The following PKP4 variants were observed in gnomAD, a reference collection of about 807,000 sequenced individuals.
PKP4 encodes the protein plakophilin 4, also known as plakophilin-4.
A neutral mutation model predicts 145.1 loss-of-function variants in PKP4; 90 were observed. The ratio of observed to expected loss-of-function variants is 0.62; its 90% confidence interval spans 0.52 to 0.74. The LOEUF (loss-of-function observed/expected upper bound fraction) is 0.74. PKP4 is among the 30% of genes least tolerant of loss of function. The pLI is 0.00. For synonymous variants in PKP4, 563 were observed against 577.2 expected, an observed-to-expected ratio of 0.98 and a Z score of 0.35; for missense variants, 1,340 against 1,482.7, an observed-to-expected ratio of 0.90 and a Z score of 1.58.
At chr2:158,463,412 G>GAAAAAA (rs137946075) in intron 1 of PKP4, among the ~76,000 whole-genome samples, 1 of 113,436 alleles carries the variant, frequency 8.8e-6, no homozygotes. Flanking sequence ...GATCACAGTT[G>GAAAAAA]AAAAAAAAAA....
chr2:158,535,367 A>C (rs904024572), intron 2 of PKP4, among the ~76,000 whole-genome samples: 2 of 152,210 alleles, frequency 1.3e-5, no homozygotes, highest in Non-Finnish European at 2.9e-5. Flanking sequence ...AATGTTGGTC[A>C]TGTTTTATAT....
intron 1 of PKP4, among the ~76,000 whole-genome samples, chr2:158,515,376 T>C (rs1050286217): frequency 6.6e-6 from 1 of 152,148 alleles, no homozygotes; most frequent in Non-Finnish European, 1.5e-5. Flanking sequence ...CCCAGCCTAC[T>C]TGAGAGTCTG....
rs79663638 is a variant in PKP4, at chr2:158,563,600, A to C, written c.133-13671A>C. ...ATATTTAGCTATTCCCATTTTGATG[A>C]TTATTGGGTTGTTTCCAGTTTTATT... is the stretch of plus-strand genomic sequence containing the variant. On this transcript the variant is annotated intron_variant, in intron 2 of 21. Coordinates refer to ENST00000389759, the MANE Select transcript of PKP4 (RefSeq NM_003628.6). Among the ~76,000 whole-genome samples, 313 of 152,070 alleles carry C rather than the reference A, an allele frequency of 2.1e-3. 9 individuals are homozygous for C. In the East Asian group the frequency reaches 0.054, roughly 26 times the overall value.
chr2:158,467,143 A>G (rs1690752154), intron 1 of PKP4, among the ~76,000 whole-genome samples: 1 of 152,192 alleles, frequency 6.6e-6, no homozygotes, highest in African/African-American at 2.4e-5. Flanking sequence ...ATTCTTATAC[A>G]TTTTGGTTGT....
intron 11 of PKP4, among the ~76,000 whole-genome samples, chr2:158,646,503 T>C (rs2054841512): frequency 6.6e-6 from 1 of 152,176 alleles, no homozygotes; most frequent in Non-Finnish European, 1.5e-5. Flanking sequence ...TGTGTGTACA[T>C]GTATTTATAG....
intron 2 of PKP4, among the ~76,000 whole-genome samples, chr2:158,554,669 C>T (rs2045937120): frequency 6.6e-6 from 1 of 152,254 alleles, no homozygotes; most frequent in Non-Finnish European, 1.5e-5. Context: ...TCGTGATCCG[C>T]CTGCGTCAGC....
chr2:158,500,202 G>A (rs796878899), intron 1 of PKP4, among the ~76,000 whole-genome samples: 11 of 152,314 alleles, frequency 7.2e-5, no homozygotes, highest in African/African-American at 2.6e-4. Flanking sequence ...AAGTTGGAAT[G>A]TCCTAACCAC....
chr2:158,568,000 C>A (rs1415637117), intron 2 of PKP4, among the ~76,000 whole-genome samples: 1 of 152,144 alleles, frequency 6.6e-6, no homozygotes. Context: ...CAGTGGTTTT[C>A]AACCTTCCGT....
At chr2:158,474,063 A>T (rs2105411964) in intron 1 of PKP4, among the ~76,000 whole-genome samples, 1 of 152,344 alleles carries the variant, frequency 6.6e-6, no homozygotes, top group Non-Finnish European at 1.5e-5. Flanking sequence ...TTAATTCCCA[A>T]AGTAAAACTA....
At chr2:158,594,566 C>T (rs2049556034) in intron 3 of PKP4, among the ~76,000 whole-genome samples, 1 of 152,094 alleles carries the variant, frequency 6.6e-6, no homozygotes, top group Non-Finnish European at 1.5e-5. Flanking sequence ...AATTAGTGGC[C>T]CTTTCTTGGG....
chr2:158,641,261 C>T (rs111505975), intron 10 of PKP4, among the ~76,000 whole-genome samples: 2,570 of 151,810 alleles, frequency 0.017, 33 homozygotes, highest in Non-Finnish European at 0.025. Context: ...TCACTTGAAC[C>T]TGGGAGAAGG....
intron 2 of PKP4, chr2:158,549,324 G>A (rs1265094643): frequency 6.6e-6 from 1 of 152,196 alleles, no homozygotes; most frequent in Admixed American, 6.5e-5. Context: ...TTTTACAGGG[G>A]TGGATCATAT....
At chr2:158,493,094 ACTTTGT>A (rs1360908485) in intron 1 of PKP4, among the ~76,000 whole-genome samples, 1 of 152,004 alleles carries the variant, frequency 6.6e-6, no homozygotes, top group Non-Finnish European at 1.5e-5. Context: ...ACTTTCAGTT[ACTTTGT>A]CTATTTCTTC....
intron 2 of PKP4, among the ~76,000 whole-genome samples, chr2:158,540,743 A>G (rs1184465988): frequency 1.3e-5 from 2 of 152,194 alleles, no homozygotes; most frequent in East Asian, 1.9e-4. Flanking sequence ...AATTTTTACC[A>G]CTGAATTACC....
chr2:158,668,784 A>G (rs942340839), intron 16 of PKP4, among the ~76,000 whole-genome samples: 20 of 152,336 alleles, frequency 1.3e-4, no homozygotes, highest in Non-Finnish European at 2.1e-4. Context: ...CACAGCATGT[A>G]GCTGAGACCT....
At chr2:158,462,243 T>G (rs1390377378) in intron 1 of PKP4, among the ~76,000 whole-genome samples, 1 of 152,182 alleles carries the variant, frequency 6.6e-6, no homozygotes, top group African/African-American at 2.4e-5. Context: ...TAAACCTTAT[T>G]ACCTTGACAA....
intron 3 of PKP4, among the ~76,000 whole-genome samples, chr2:158,582,254 A>G (rs529042541): frequency 2.0e-5 from 3 of 152,340 alleles, no homozygotes; most frequent in Non-Finnish European, 2.9e-5. Context: ...TGAGTAGCAT[A>G]TAGTTATATT....
In PKP4 at chr2:158,658,122, CTTT is replaced by C. The variant is rs576839120; in HGVS notation, c.1910-5_1910-3del. 134 of 1,528,574 alleles carry C rather than the reference CTTT, an allele frequency of 8.8e-5. 1 individual carries two copies. In the East Asian group the frequency reaches 2.8e-3, roughly 32 times the overall value. 94.7% of individuals were successfully genotyped at this position (1,528,574 alleles called of 1,614,324 possible). A position where few individuals can be genotyped will look rare whatever the true frequency, so the allele number is the denominator to read the frequency against. ...CTATTTGTTTGATTTTTTAAATCTC[CTTT>C]TTTAGGAGTTCTTTGGAATTTATCC... On this transcript the variant is annotated splice_region_variant and splice_polypyrimidine_tract_variant and intron_variant, in intron 11 of 21. Coordinates refer to ENST00000389759, the MANE Select transcript of PKP4 (RefSeq NM_003628.6).
At chr2:158,656,873 G>A (rs980950509) in intron 11 of PKP4, among the ~76,000 whole-genome samples, 3 of 152,134 alleles carry the variant, frequency 2.0e-5, no homozygotes, top group African/African-American at 4.8e-5. Context: ...TTTACAGGGG[G>A]CACCCAGAGA....
Sources: gnomAD v4.1 joint callset for allele counts (sites outside exome capture counted in the v4.1 genomes callset) on GRCh38, gnomAD v4.1.1 for gene constraint, MANE v1.5 for transcripts, NCBI Gene and HGNC (gene_info 2026-07-23, HGNC 2026-07-21) for gene names.